RNF150: variants seen among roughly 807,000 people sequenced by gnomAD.
RNF150 encodes the protein ring finger protein 150.
A neutral mutation model predicts 39.3 loss-of-function variants in RNF150; 24 were observed. The ratio of observed to expected loss-of-function variants is 0.61; its 90% CI spans 0.44 to 0.86. The LOEUF is 0.86. Among genes scored for constraint, RNF150 ranks in the 40% least tolerant of loss-of-function variants. The pLI, the probability that RNF150 is intolerant of heterozygous loss-of-function variation, is 0.00. For synonymous variants in RNF150, 255 were observed against 227.3 expected (o/e 1.12, Z -1.10); for missense variants, 502 against 587.8 (o/e 0.85, Z 1.51).
chr4:140,955,233 T>C (rs1294362225), intron 2 of RNF150, among the ~76,000 whole-genome samples: 2 of 151,744 alleles, frequency 1.3e-5, no homozygotes, highest in Admixed American at 6.6e-5. Flanking sequence ...TCTAGAAAAA[T>C]AGGTAAAATA....
At chr4:141,193,194 C>T (rs1728142674) in intron 1 of RNF150, among the ~76,000 whole-genome samples, 2 of 152,204 alleles carry the variant, frequency 1.3e-5, no homozygotes. Context: ...CAATGTCATT[C>T]ACTACTGTAT....
intron 1 of RNF150, among the ~76,000 whole-genome samples, chr4:141,108,883 ACCG>A (rs758880830): frequency 2.0e-5 from 3 of 152,182 alleles, no homozygotes; most frequent in Non-Finnish European, 4.4e-5. Flanking sequence ...TGCATCCTTA[ACCG>A]CTGCAGCTCA....
chr4:140,899,974 C>CTCTCTG (rs1365683071), intron 6 of RNF150, among the ~76,000 whole-genome samples: 68 of 69,214 alleles, frequency 9.8e-4, no homozygotes, highest in African/African-American at 2.8e-3. Context: ...CTCTCTCTCT[C>CTCTCTG]TGTGTGTGTG....
intron 1 of RNF150, among the ~76,000 whole-genome samples, chr4:141,018,472 T>C (rs1324655294): frequency 1.3e-5 from 2 of 152,174 alleles, no homozygotes; most frequent in Admixed American, 1.3e-4. Flanking sequence ...AATGCCTCAC[T>C]GTGGCACTTG....
intron 6 of RNF150, among the ~76,000 whole-genome samples, chr4:140,900,721 G>A (rs1345571452): frequency 6.6e-6 from 1 of 152,140 alleles, no homozygotes; most frequent in African/African-American, 2.4e-5. Flanking sequence ...ATACCATGAT[G>A]TGTCTGACCA....
At chr4:141,184,569 T>C (rs1307255509) in intron 1 of RNF150, among the ~76,000 whole-genome samples, 1 of 152,206 alleles carries the variant, frequency 6.6e-6, no homozygotes, top group Non-Finnish European at 1.5e-5. Flanking sequence ...AGTCATGAAG[T>C]CTTTGCCCAT....
chr4:140,967,505 G>T, intron 2 of RNF150, 118 bp downstream of exon 2: 1 of 707,300 alleles, frequency 1.4e-6, no homozygotes, highest in Non-Finnish European at 2.3e-6. Context: ...AATGTTAACA[G>T]TGTTTATCTT....
At chr4:141,156,054 A>T (rs958970614) in intron 1 of RNF150, among the ~76,000 whole-genome samples, 21 of 144,490 alleles carry the variant, frequency 1.5e-4, no homozygotes, top group African/African-American at 5.4e-4. Context: ...AGGAGGAGGA[A>T]AAAGGAGGCA....
chr4:140,915,156 A>G (rs1481760242), intron 5 of RNF150, among the ~76,000 whole-genome samples: 1 of 152,214 alleles, frequency 6.6e-6, no homozygotes, highest in Non-Finnish European at 1.5e-5. Flanking sequence ...TAGCATAAGT[A>G]AGGAATGCAG....
intron 1 of RNF150, among the ~76,000 whole-genome samples, chr4:141,031,318 G>A (rs989167972): frequency 6.6e-6 from 1 of 151,902 alleles, no homozygotes; most frequent in Admixed American, 6.6e-5. Context: ...AGAAAACATG[G>A]GGAAAACTTC....
chr4:141,065,669 T>C (rs1737427729), intron 1 of RNF150, among the ~76,000 whole-genome samples: 1 of 152,142 alleles, frequency 6.6e-6, no homozygotes, highest in Non-Finnish European at 1.5e-5. Flanking sequence ...ATCGTAATTT[T>C]TAAGTTACTG....
intron 1 of RNF150, among the ~76,000 whole-genome samples, chr4:141,001,364 C>T (rs1431509053): frequency 1.3e-5 from 2 of 151,996 alleles, no homozygotes; most frequent in African/African-American, 4.8e-5. Context: ...TGTACTCTCC[C>T]TCCCTCTTCA....
At chr4:140,995,741 G>A (rs182161005) in intron 1 of RNF150, among the ~76,000 whole-genome samples, 22 of 152,180 alleles carry the variant, frequency 1.4e-4, no homozygotes, top group African/African-American at 5.3e-4. Flanking sequence ...GTCTTTTGGT[G>A]CCCCACTTAT....
intron 2 of RNF150, among the ~76,000 whole-genome samples, chr4:140,961,040 T>G (rs1277881232): frequency 6.6e-6 from 1 of 152,074 alleles, no homozygotes. Flanking sequence ...AAGCAAAGAT[T>G]TGAATCGAGA....
At chr4:140,936,988 A>T (rs1211666438) in intron 4 of RNF150, among the ~76,000 whole-genome samples, 1 of 152,200 alleles carries the variant, frequency 6.6e-6, no homozygotes, top group Non-Finnish European at 1.5e-5. Flanking sequence ...ACACTCTCAC[A>T]TACTGCTAAT....
chr4:141,047,146 G>C (rs1030464742), intron 1 of RNF150, among the ~76,000 whole-genome samples: 1 of 152,148 alleles, frequency 6.6e-6, no homozygotes, highest in Non-Finnish European at 1.5e-5. Flanking sequence ...GAGATTGTGT[G>C]TGTGTGTTTC....
At chr4:140,971,638 G>A (rs1490637048) in intron 1 of RNF150, among the ~76,000 whole-genome samples, 1 of 152,102 alleles carries the variant, frequency 6.6e-6, no homozygotes, top group African/African-American at 2.4e-5. Context: ...GCTGCCAGAC[G>A]ACAGCAGAGG....
intron 1 of RNF150, among the ~76,000 whole-genome samples, chr4:141,177,385 C>T (rs1402459152): frequency 1.3e-5 from 2 of 152,182 alleles, no homozygotes; most frequent in African/African-American, 2.4e-5. Flanking sequence ...CAGAATTACA[C>T]ATTAGGTACA....
chr4:141,176,217 G>C (rs909694122), intron 1 of RNF150, among the ~76,000 whole-genome samples: 3 of 151,986 alleles, frequency 2.0e-5, no homozygotes, highest in African/African-American at 7.3e-5. Flanking sequence ...TCTTAAAACG[G>C]CACTAATCCC....
Sources: allele counts gnomAD v4.1 joint callset (sites outside exome capture counted in the v4.1 genomes callset), GRCh38; gene constraint gnomAD v4.1.1; transcripts MANE v1.5; gene names NCBI Gene and HGNC (gene_info 2026-07-23, HGNC 2026-07-21).